The following ELFN1 variants were observed in gnomAD, a reference collection of about 807,000 sequenced individuals.
The protein encoded by ELFN1 is protein ELFN1.
Under a neutral mutation model 7.6 loss-of-function variants are expected in ELFN1, and 6 were observed. The observed-to-expected ratio is 0.79, with a 90% confidence interval of 0.43 to 1.56. The LOEUF is 1.56. Ranked by LOEUF, ELFN1 falls within the 40% of genes most tolerant of loss-of-function variation. The probability of loss-of-function intolerance (pLI) is 0.01; values close to 1 mark genes in which losing one functional copy is unlikely to be tolerated. For synonymous variants in ELFN1, 657 were observed against 588.1 expected (o/e 1.12, Z -1.70); for missense variants, 1,169 against 1,232.2 (o/e 0.95, Z 0.77).
chr7:1,690,597 T>C (rs1247539882), intron 2 of ELFN1, among the ~76,000 whole-genome samples: 3 of 148,568 alleles, frequency 2.0e-5, no homozygotes, highest in Non-Finnish European at 4.4e-5. Flanking sequence ...GGTGGGTGGA[T>C]GGATGGATGA....
At chr7:1,734,897 A>G (rs1392810479) in intron 3 of ELFN1, among the ~76,000 whole-genome samples, 3 of 151,858 alleles carry the variant, frequency 2.0e-5, no homozygotes, top group East Asian at 1.9e-4. Context: ...GGGGTCTCAC[A>G]TTGCCCAGGC....
At position 1,731,263 on chromosome 7, in the gene ELFN1, C is replaced by T. The variant is rs551228425; in HGVS notation, c.-293-13041C>T. Among the ~76,000 whole-genome samples, 105 of 152,268 alleles carry T rather than the reference C, an allele frequency of 6.9e-4. 1 individual carries two copies. The highest frequency in any genetic ancestry group is 2.0e-3 in the African/African-American group (83 of 41,542). On this transcript the variant is annotated intron_variant, in intron 3 of 3. Coordinates refer to ENST00000424383, the MANE Select transcript of ELFN1 (RefSeq NM_001128636.4). ...GTTTACCACCATCCATCAACAGGCT[C>T]GCAGCGAGTTTTACAAAGCGAGATA...
At chr7:1,731,579 G>A (rs1014166157) in intron 3 of ELFN1, among the ~76,000 whole-genome samples, 6 of 152,152 alleles carry the variant, frequency 3.9e-5, no homozygotes, top group South Asian at 2.1e-4. Flanking sequence ...ACCATTATAC[G>A]GGGAAACAGA....
upstream of ELFN1, among the ~76,000 whole-genome samples, chr7:1,669,932 G>A: frequency 6.8e-6 from 1 of 147,606 alleles, no homozygotes; most frequent in Non-Finnish European, 1.5e-5. Flanking sequence ...CGGACCGCGA[G>A]GACGCCCCCT....
At chr7:1,691,866 G>T (rs1779172028) in intron 2 of ELFN1, 1 of 152,296 alleles carries the variant, frequency 6.6e-6, no homozygotes, top group African/African-American at 2.4e-5. Context: ...AGCCTCAGCG[G>T]CGCCTCGGGC....
intron 3 of ELFN1, among the ~76,000 whole-genome samples, chr7:1,731,510 C>G (rs1179849936): frequency 6.6e-6 from 1 of 152,086 alleles, no homozygotes; most frequent in South Asian, 2.1e-4. Context: ...GAGAGGGTGA[C>G]CATATGACAA....
intron 3 of ELFN1, among the ~76,000 whole-genome samples, chr7:1,713,894 C>T (rs779230934): frequency 6.6e-6 from 1 of 152,200 alleles, no homozygotes. Flanking sequence ...TCCCCTCCCC[C>T]ACCTCTCCAG....
chr7:1,676,841 G>T (rs1410207036), intron 1 of ELFN1, among the ~76,000 whole-genome samples: 1 of 152,226 alleles, frequency 6.6e-6, no homozygotes, highest in African/African-American at 2.4e-5. Flanking sequence ...CTTGGGAAGA[G>T]TTGGTTGGTA....
Position 1,745,262 on chromosome 7 carries a change from G to T in ELFN1, c.666G>T (p.Ser222=). 1 of 1,538,940 alleles carries T rather than the reference G, an allele frequency of 6.5e-7. No homozygotes were observed. Among genetic ancestry groups the T allele is most frequent in the Non-Finnish European group, 8.7e-7 (1 of 1,146,850 alleles). ...TQTYDRMQCE[S]PPVYSGYYLL... is the part of the protein sequence containing the mutation. Reference sequence around the variant, plus strand: ...CGTACGACCGCATGCAGTGCGAGTCGCCGCCCGTCTACTCCGGCTACTACC... The same window carrying T: ...CGTACGACCGCATGCAGTGCGAGTCTCCGCCCGTCTACTCCGGCTACTACC... Residue 222 remains serine (S), a synonymous_variant, in exon 4 of 4, where the codon TCG becomes TCT. Transcript: ENST00000424383.
At chr7:1,711,653 G>C (rs1051939712) in intron 3 of ELFN1, among the ~76,000 whole-genome samples, 1 of 147,168 alleles carries the variant, frequency 6.8e-6, no homozygotes, top group Non-Finnish European at 1.5e-5. Context: ...AAGCGCACTC[G>C]GAAACGGAAA....
chr7:1,705,227 G>A lies in ELFN1; in HGVS notation c.-455-3864G>A, dbSNP rs184878885. On this transcript the variant is annotated intron_variant, in intron 2 of 3. Transcript: ENST00000424383. This position sits in a 1 kb window ranked among gnomAD's most constrained non-coding sequence, Gnocchi z 4.3. Reference sequence around the variant, plus strand: ...ACCCTGGGCGGGGCGGCACAGCTGTGCGGGAGGCTGGGCTGCTGGCATCAG... The same window carrying A: ...ACCCTGGGCGGGGCGGCACAGCTGTACGGGAGGCTGGGCTGCTGGCATCAG... Among the ~76,000 whole-genome samples the A allele has an allele frequency of 2.0e-5, 3 of 152,152 alleles. No individual in the cohort carries two copies. The highest frequency in any genetic ancestry group is 7.2e-5 in the African/African-American group (3 of 41,430).
At position 1,745,948 on chromosome 7, in the gene ELFN1, A is replaced by G. The variant is rs1780770140; in HGVS notation, c.1352A>G (p.Lys451Arg). 6.4e-7 allele frequency: 1 copy of G among 1,552,674 alleles called. No individual in the cohort carries two copies. The highest frequency in any genetic ancestry group is 2.0e-5 in the Admixed American group (1 of 51,170). ...CGGCGGCGCCAGGAGGAGAAGCACA[A>G]GAAGGCCGCCTCGGCAGCCGCAGCT... ...RRRRRQEEKH[K>R]KAASAAAAGS... Residue 451 changes from lysine (K) to arginine (R), a missense_variant, in exon 4 of 4, where the codon AAG becomes AGG. Physicochemically the swap from Lys to Arg is conservative, Grantham distance 26. This residue lies in a region of ELFN1 where 914 missense variants were observed against 872.6 expected (regional missense o/e 1.05). Coordinates refer to ENST00000424383, the MANE Select transcript of ELFN1 (RefSeq NM_001128636.4).
chr7:1,713,937 C>T (rs551974468), intron 3 of ELFN1, among the ~76,000 whole-genome samples: 7 of 152,230 alleles, frequency 4.6e-5, no homozygotes, highest in East Asian at 1.9e-4. Context: ...GGGTGACAGG[C>T]GGCTGTGGCT....
chr7:1,715,580 A>G (rs755992374), intron 3 of ELFN1, among the ~76,000 whole-genome samples: 3 of 152,252 alleles, frequency 2.0e-5, no homozygotes, highest in South Asian at 4.1e-4. Flanking sequence ...CCCCGCTGCA[A>G]TCAGCCTCCT....
Position 1,746,495 on chromosome 7 carries a change from C to G in ELFN1, c.1899C>G (p.Ala633=), listed in dbSNP as rs749941799. ...AGCGGCACCACAGCGTGGAGGCCGCCGGGCCCCCTCGTGCCAGCACCTCGT... is the reference window on the plus strand; with the variant it reads ...AGCGGCACCACAGCGTGGAGGCCGCGGGGCCCCCTCGTGCCAGCACCTCGT... The part of the protein sequence containing the change: ...SLQRHHSVEA[A]GPPRASTSSS... Residue 633 remains alanine, a synonymous_variant, in exon 4 of 4, where the codon GCC becomes GCG. Transcript: ENST00000424383. 1 of 1,494,068 alleles carries G rather than the reference C, an allele frequency of 6.7e-7. No homozygotes were observed. Among genetic ancestry groups the G allele is most frequent in the Admixed American group, 2.3e-5 (1 of 44,038 alleles). The allele number at this position is 1,494,068 out of a possible 1,614,324, so 92.6% of individuals were successfully genotyped here.
upstream of ELFN1, among the ~76,000 whole-genome samples, chr7:1,666,527 C>T (rs1426868140): frequency 1.3e-5 from 2 of 152,008 alleles, no homozygotes; most frequent in South Asian, 4.1e-4. This position sits in a 1 kb window ranked among gnomAD's most constrained non-coding sequence, Gnocchi z 7.9. Flanking sequence ...CCCTCCCCGA[C>T]GCCGCGGCTG....
At chr7:1,674,229 C>T (rs958536709) in intron 1 of ELFN1, among the ~76,000 whole-genome samples, 2 of 152,172 alleles carry the variant, frequency 1.3e-5, no homozygotes, top group African/African-American at 2.4e-5. Context: ...GCTCCCTGCT[C>T]CGGGCCATGG....
Position 1,740,719 on chromosome 7 carries a change from C to G in ELFN1, c.-293-3585C>G. Among the ~76,000 whole-genome samples, 1 of 152,166 alleles carries G rather than the reference C, an allele frequency of 6.6e-6. No homozygotes were observed. The highest frequency in any genetic ancestry group is 1.9e-4 in the East Asian group (1 of 5,178). On this transcript the variant is annotated intron_variant, in intron 3 of 3. Transcript: ENST00000424383. This position sits in a 1 kb window ranked among gnomAD's most constrained non-coding sequence, Gnocchi z 5.0. The stretch of plus-strand genomic sequence containing the variant: ...TAGCACAGCACCTGTCCAGCCTCTC[C>G]CCCCCGGCCCCTGACAGGAGGCTGC...
intron 3 of ELFN1, among the ~76,000 whole-genome samples, chr7:1,718,508 A>G (rs1779903352): frequency 6.6e-6 from 1 of 152,210 alleles, no homozygotes. Flanking sequence ...AAGTTGAAAT[A>G]TGAGGAAATC....
Sources: allele counts gnomAD v4.1 joint callset (sites outside exome capture counted in the v4.1 genomes callset), GRCh38; gene constraint gnomAD v4.1.1; regional missense constraint gnomAD v4.1.1; non-coding constraint Gnocchi (gnomAD v3.1); transcripts MANE v1.5; gene names NCBI Gene and HGNC (gene_info 2026-07-23, HGNC 2026-07-21).